Variants in NEBL observed in about 807,000 individuals in gnomAD.
NEBL encodes the protein nebulette, also known as LIM and SH3 protein 2.
NEBL carries 122 observed loss-of-function variants against 140.2 expected under a neutral mutation model. That is an observed-to-expected ratio of 0.87 (90% CI 0.75 to 1.01). The LOEUF is 1.01. Among genes scored for constraint, NEBL ranks in the 50% least tolerant of loss-of-function variants. The pLI, the probability that NEBL is intolerant of heterozygous loss-of-function variation, is 0.00. For missense variants in NEBL, 1,365 were observed against 1,231.3 expected (o/e 1.11, Z -1.62); for synonymous variants, 436 against 398.9 (o/e 1.09, Z -1.11).
chr10:20,882,315 A>C (rs930814580), intron 4 of NEBL, among the ~76,000 whole-genome samples: 1 of 151,970 alleles, frequency 6.6e-6, no homozygotes, highest in Admixed American at 6.6e-5. Context: ...AGGAGAAAAG[A>C]AAGAAGAGGG....
intron 4 of NEBL, among the ~76,000 whole-genome samples, chr10:20,938,283 A>G (rs1194881731): frequency 1.3e-5 from 2 of 152,132 alleles, no homozygotes; most frequent in East Asian, 1.9e-4. Flanking sequence ...CTGCTCACCA[A>G]TGTCTGCTGT....
At chr10:21,241,285 T>TAAAC (rs1466880356) in intron 3 of NEBL, among the ~76,000 whole-genome samples, 1 of 146,310 alleles carries the variant, frequency 6.8e-6, no homozygotes, top group Admixed American at 6.8e-5. Flanking sequence ...AATAAATAAA[T>TAAAC]AAAAATAAAA....
intron 4 of NEBL, among the ~76,000 whole-genome samples, chr10:20,921,452 A>G (rs1357870148): frequency 6.6e-6 from 1 of 152,134 alleles, no homozygotes; most frequent in Non-Finnish European, 1.5e-5. Context: ...AGAGGGAGGT[A>G]GGGTATTTCT....
chr10:21,155,344 A>C (rs141424704), intron 2 of NEBL, among the ~76,000 whole-genome samples: 117 of 152,276 alleles, frequency 7.7e-4, no homozygotes, highest in African/African-American at 2.8e-3. Context: ...GACTATAATC[A>C]CCTTGTTGTG....
intron 3 of NEBL, among the ~76,000 whole-genome samples, chr10:21,235,713 G>A (rs565041369): frequency 2.0e-5 from 3 of 152,156 alleles, no homozygotes; most frequent in Non-Finnish European, 4.4e-5. Flanking sequence ...CTATGAACTG[G>A]GAATAGCAAA....
At chr10:21,206,447 A>C (rs1049993058) in intron 3 of NEBL, among the ~76,000 whole-genome samples, 2 of 152,164 alleles carry the variant, frequency 1.3e-5, no homozygotes, top group African/African-American at 4.8e-5. Context: ...TTTTATCTCA[A>C]AAATAAGTTG....
Position 21,109,304 on chromosome 10 carries a change from T to C in NEBL, c.164+63079A>G, listed in dbSNP as rs112376824. 7.5e-4 allele frequency among the ~76,000 whole-genome samples: 114 copies of C among 152,322 alleles called. 1 individual carries two copies. The highest frequency in any genetic ancestry group is 2.6e-3 in the African/African-American group (108 of 41,582). On this transcript the variant is annotated intron_variant, in intron 2 of 6. Coordinates refer to the NEBL transcript ENST00000417816. ...CTGTTTATGTGATGGATTATGTTTA[T>C]TGATTTGCGTATGTTGAACCAGCCT... is the stretch of plus-strand genomic sequence containing the variant.
chr10:20,851,742 G>A (rs1471115217), intron 10 of NEBL, among the ~76,000 whole-genome samples: 7 of 151,946 alleles, frequency 4.6e-5, no homozygotes, highest in Non-Finnish European at 8.8e-5. Flanking sequence ...CCGAGATCAC[G>A]CCATTGCACT....
At chr10:21,030,233 A>G in intron 2 of NEBL, 1 of 543,214 alleles carries the variant, frequency 1.8e-6, no homozygotes, top group South Asian at 1.8e-5. Context: ...AAGCTGGCGA[A>G]GTGAAGAAAC....
At chr10:21,186,051 T>C (rs963197986) in intron 3 of NEBL, among the ~76,000 whole-genome samples, 3 of 152,148 alleles carry the variant, frequency 2.0e-5, no homozygotes, top group Non-Finnish European at 2.9e-5. Flanking sequence ...TTCATTTCCA[T>C]TTGTACCTCT....
At chr10:21,289,987 A>T (rs1216053436) in intron 1 of NEBL, among the ~76,000 whole-genome samples, 1 of 151,952 alleles carries the variant, frequency 6.6e-6, no homozygotes, top group Non-Finnish European at 1.5e-5. Flanking sequence ...ACATTCATCA[A>T]CCCCTTCTCT....
rs1164943205 is a variant in NEBL at position 20,825,626 on chromosome 10, T to C, written c.1869+821A>G. Among the ~76,000 whole-genome samples, 6 of 151,354 alleles carry C rather than the reference T, an allele frequency of 4.0e-5. No homozygotes were observed. In the South Asian group the frequency reaches 6.2e-4, roughly 16 times the overall value. On this transcript the variant is annotated intron_variant, in intron 18 of 27. Transcript: ENST00000377122. ...TTGCGGTGAGCTGAGATTACGCCAC[T>C]GCACTCCAGCCTAGGCAACAAAGCA...
chr10:21,154,851 G>A (rs1241745870), intron 2 of NEBL, among the ~76,000 whole-genome samples: 1 of 152,122 alleles, frequency 6.6e-6, no homozygotes, highest in Non-Finnish European at 1.5e-5. Flanking sequence ...TGTATAGTAG[G>A]TGTATATACT....
intron 3 of NEBL, among the ~76,000 whole-genome samples, chr10:20,968,351 A>AAAT (rs912693954): frequency 1.3e-5 from 2 of 152,042 alleles, no homozygotes; most frequent in Admixed American, 6.6e-5. Flanking sequence ...AAAAAAAAAA[A>AAAT]AAAATTAAAA....
intron 2 of NEBL, among the ~76,000 whole-genome samples, chr10:21,052,248 C>G (rs889902223): frequency 6.6e-6 from 1 of 152,156 alleles, no homozygotes; most frequent in African/African-American, 2.4e-5. Context: ...CATCTGTCAG[C>G]AGATGTCACT....
chr10:20,824,557 T>C (rs534449746), intron 18 of NEBL, among the ~76,000 whole-genome samples: 6 of 152,222 alleles, frequency 3.9e-5, no homozygotes, highest in Non-Finnish European at 7.3e-5. Flanking sequence ...CTTTAAATGT[T>C]AGAGAATCAT....
chr10:21,264,236 GT>G (rs758513083), intron 1 of NEBL, among the ~76,000 whole-genome samples: 1 of 152,230 alleles, frequency 6.6e-6, no homozygotes, highest in Admixed American at 6.5e-5. Context: ...AAGCAGAAGT[GT>G]AGGGAGCTGG....
rs1484263522 is a variant in NEBL at position 21,137,964 on chromosome 10, A to AAT, written c.164+34417_164+34418dup. 3.7e-3 allele frequency among the ~76,000 whole-genome samples: 558 copies of AAT among 149,630 alleles called. 5 individuals carry two copies. Among genetic ancestry groups the AAT allele is most frequent in the African/African-American group, 0.013 (539 of 40,550 alleles). On this transcript the variant is annotated intron_variant, in intron 2 of 6. Coordinates refer to the NEBL transcript ENST00000417816. ...AAGGGAAGGGAAGGGAAGGGAAGGGAATGGAAAGGAAGAAAGGAAGGAACT... is the reference window on the plus strand; with the variant it reads ...AAGGGAAGGGAAGGGAAGGGAAGGGAATATGGAAAGGAAGAAAGGAAGGAACT...
intron 4 of NEBL, among the ~76,000 whole-genome samples, chr10:20,950,264 A>T (rs1835394740): frequency 6.6e-6 from 1 of 152,246 alleles, no homozygotes; most frequent in Non-Finnish European, 1.5e-5. Context: ...TGTTAAGTCA[A>T]TAATTAAGAT....
Sources: allele counts gnomAD v4.1 joint callset (sites outside exome capture counted in the v4.1 genomes callset), GRCh38; gene constraint gnomAD v4.1.1; transcripts MANE v1.5; gene names NCBI Gene and HGNC (gene_info 2026-07-23, HGNC 2026-07-21).